SYNDIG1: variants seen among roughly 807,000 people sequenced by gnomAD.
SYNDIG1 encodes synapse differentiation inducing 1.
SYNDIG1 carries 9 observed loss-of-function variants against 19.4 expected under a neutral mutation model. The ratio of observed to expected loss-of-function variants is 0.46; its 90% confidence interval spans 0.28 to 0.81. SYNDIG1 has a LOEUF of 0.81. SYNDIG1 is among the 30% of genes least tolerant of loss of function. The pLI, the probability that SYNDIG1 is intolerant of heterozygous loss-of-function variation, is 0.12. For synonymous variants in SYNDIG1, 141 were observed against 145.9 expected (o/e 0.97, Z 0.24); for missense variants, 311 against 343.3 (o/e 0.91, Z 0.74).
intron 2 of SYNDIG1, among the ~76,000 whole-genome samples, chr20:24,562,274 T>C (rs1313077529): frequency 1.3e-5 from 2 of 152,246 alleles, no homozygotes; most frequent in Non-Finnish European, 2.9e-5. Flanking sequence ...AATAACTGGC[T>C]CATCCTAGAA....
chr20:24,566,307 C>T (rs147975657), intron 2 of SYNDIG1, among the ~76,000 whole-genome samples: 181 of 152,172 alleles, frequency 1.2e-3, no homozygotes, highest in African/African-American at 4.2e-3. Context: ...ACACAGTAGG[C>T]ACATAATTAT....
In SYNDIG1 at chr20:24,534,865, C is replaced by T. The variant is rs796236101; in HGVS notation, c.-78-8155C>T. On this transcript the variant is annotated intron_variant, in intron 1 of 3. Transcript: ENST00000376862. ...GACACGGTGCGGCTTCCTTTATTCC[C>T]TGGGTTTGAGGGAGGGAGTTCTGTT... is the stretch of plus-strand genomic sequence containing the variant. Among the ~76,000 whole-genome samples, 7 of 152,292 alleles carry T rather than the reference C, an allele frequency of 4.6e-5. No homozygotes were observed. The East Asian group carries it at 9.7e-4, about 21-fold the overall frequency.
intron 1 of SYNDIG1, among the ~76,000 whole-genome samples, chr20:24,517,319 A>G (rs2056894672): frequency 1.3e-5 from 2 of 150,842 alleles, no homozygotes; most frequent in Non-Finnish European, 3.0e-5. Flanking sequence ...AAATAAATAA[A>G]TAAATATATA....
At chr20:24,530,912 G>A (rs1026851837) in intron 1 of SYNDIG1, among the ~76,000 whole-genome samples, 2 of 151,632 alleles carry the variant, frequency 1.3e-5, no homozygotes, top group Non-Finnish European at 2.9e-5. Context: ...GAGTTCAAGC[G>A]ATTCTCCTGC....
chr20:24,556,905 C>T lies in SYNDIG1; in HGVS notation c.480+13328C>T, dbSNP rs189731818. Among the ~76,000 whole-genome samples, 353 of 152,268 alleles carry T rather than the reference C, an allele frequency of 2.3e-3. 1 individual carries two copies. The highest frequency in any genetic ancestry group is 7.9e-3 in the African/African-American group (329 of 41,558). ...GGATAATATCCTGCAGAGTGTTTTCCAACTTGGTTCCATTCTCCCCGTCAC... is the reference window on the plus strand; with the variant it reads ...GGATAATATCCTGCAGAGTGTTTTCTAACTTGGTTCCATTCTCCCCGTCAC... On this transcript the variant is annotated intron_variant, in intron 2 of 3. Coordinates refer to ENST00000376862, the MANE Select transcript of SYNDIG1 (RefSeq NM_024893.3).
intron 3 of SYNDIG1, among the ~76,000 whole-genome samples, chr20:24,612,686 A>C (rs2058868556): frequency 6.6e-6 from 1 of 152,246 alleles, no homozygotes; most frequent in South Asian, 2.1e-4. Flanking sequence ...GCATAGAATT[A>C]TAATAGCTCT....
chr20:24,651,896 C>A (rs1033373593), intron 3 of SYNDIG1, among the ~76,000 whole-genome samples: 1 of 152,190 alleles, frequency 6.6e-6, no homozygotes, highest in African/African-American at 2.4e-5. Flanking sequence ...GCTGGAGAGG[C>A]CAAGGCACCA....
chr20:24,480,764 T>C (rs1721224309), intron 1 of SYNDIG1, among the ~76,000 whole-genome samples: 1 of 152,224 alleles, frequency 6.6e-6, no homozygotes, highest in Non-Finnish European at 1.5e-5. Context: ...CAAAATGTGC[T>C]AAACACATAC....
intron 1 of SYNDIG1, among the ~76,000 whole-genome samples, chr20:24,506,190 A>T (rs977905092): frequency 9.8e-5 from 15 of 152,340 alleles, no homozygotes; most frequent in African/African-American, 3.6e-4. Context: ...GCTGCAGCTG[A>T]GAACATACCC....
chr20:24,474,689 A>G (rs929455539), intron 1 of SYNDIG1, among the ~76,000 whole-genome samples: 1 of 152,208 alleles, frequency 6.6e-6, no homozygotes, highest in African/African-American at 2.4e-5. Flanking sequence ...AGGAGAGAGT[A>G]CTTGCGTGGA....
At chr20:24,579,538 A>C (rs1468140587) in intron 2 of SYNDIG1, among the ~76,000 whole-genome samples, 3 of 152,342 alleles carry the variant, frequency 2.0e-5, no homozygotes, top group African/African-American at 7.2e-5. Flanking sequence ...GGCACAGTCC[A>C]ATAGGACCTT....
At chr20:24,512,152 T>TATGC (rs2146468244) in intron 1 of SYNDIG1, among the ~76,000 whole-genome samples, 1 of 111,992 alleles carries the variant, frequency 8.9e-6, no homozygotes. Flanking sequence ...TATATATATA[T>TATGC]ATGCAGTGGT....
At chr20:24,557,220 A>G (rs912892064) in intron 2 of SYNDIG1, among the ~76,000 whole-genome samples, 1 of 152,064 alleles carries the variant, frequency 6.6e-6, no homozygotes, top group Non-Finnish European at 1.5e-5. Flanking sequence ...AATTTTTTTC[A>G]AAGTTTTAAC....
intron 3 of SYNDIG1, among the ~76,000 whole-genome samples, chr20:24,649,910 G>GA (rs1457879608): frequency 6.6e-6 from 1 of 152,182 alleles, no homozygotes; most frequent in Non-Finnish European, 1.5e-5. Context: ...TATTAAAATA[G>GA]AAAATGCAAA....
At position 24,584,970 on chromosome 20, in the gene SYNDIG1, G is replaced by C; in HGVS notation, c.595G>C (p.Ala199Pro). The C allele has an allele frequency of 6.2e-7, 1 of 1,613,066 alleles. No homozygotes were observed. Among genetic ancestry groups the C allele is most frequent in the Non-Finnish European group, 8.5e-7 (1 of 1,179,862 alleles). The change falls in exon 3 of 4, where the codon GCA (alanine) becomes CCA (proline). Residue 199 changes from alanine to proline, a missense_variant. By Grantham distance (27) the Ala-to-Pro change is conservative. Coordinates refer to ENST00000376862, the MANE Select transcript of SYNDIG1 (RefSeq NM_024893.3). ...CTGCTGCTTCTGGCCTCTGGGCATC[G>C]CAGCCTTCTACTTGTCCCATGAGGT... ...MLCCFWPLGI[A>P]AFYLSHETNK...
chr20:24,555,475 A>G (rs1397833180), intron 2 of SYNDIG1, among the ~76,000 whole-genome samples: 1 of 151,866 alleles, frequency 6.6e-6, no homozygotes, highest in Non-Finnish European at 1.5e-5. Context: ...CAGTGCTTTG[A>G]ATGTGTCCCA....
chr20:24,521,151 T>A (rs115788563), intron 1 of SYNDIG1, among the ~76,000 whole-genome samples: 93 of 152,312 alleles, frequency 6.1e-4, no homozygotes, highest in African/African-American at 2.1e-3. Context: ...AAAATTTGCT[T>A]CATTTTGAAG....
intron 1 of SYNDIG1, chr20:24,495,841 T>TTTTA (rs1336314556): frequency 1.3e-5 from 2 of 151,976 alleles, no homozygotes; most frequent in Admixed American, 6.5e-5. Context: ...TTTATTTTTA[T>TTTTA]TTTATTTATT....
chr20:24,551,726 G>T (rs1446192474), intron 2 of SYNDIG1, among the ~76,000 whole-genome samples: 3 of 151,862 alleles, frequency 2.0e-5, no homozygotes, highest in Non-Finnish European at 2.9e-5. Flanking sequence ...TAGCCATTGT[G>T]ATTTTTTATT....
Sources: gnomAD v4.1 joint callset for allele counts (sites outside exome capture counted in the v4.1 genomes callset) on GRCh38, gnomAD v4.1.1 for gene constraint, MANE v1.5 for transcripts, NCBI Gene and HGNC (gene_info 2026-07-23, HGNC 2026-07-21) for gene names.